Variants in UBN2 observed in about 807,000 individuals in gnomAD.
UBN2 encodes the protein ubinuclein 2.
In UBN2, 35 loss-of-function variants were observed where a neutral mutation model predicts 120.2. The ratio of observed to expected loss-of-function variants is 0.29; its 90% CI spans 0.22 to 0.39. The LOEUF (loss-of-function observed/expected upper bound fraction) is 0.39, where lower values mean the gene tolerates loss of function less well. Among genes scored for constraint, UBN2 ranks in the 10% least tolerant of loss-of-function variants. The pLI, the probability that UBN2 is intolerant of heterozygous loss-of-function variation, is 1.00. For missense variants in UBN2, 1,693 were observed against 1,663.2 expected, an observed-to-expected ratio of 1.02 and a Z score of -0.31; for synonymous variants, 661 against 648.7, an observed-to-expected ratio of 1.02 and a Z score of -0.29.
At chr7:139,292,147 G>A (rs1346874813) in intron 15 of UBN2, among the ~76,000 whole-genome samples, 1 of 152,016 alleles carries the variant, frequency 6.6e-6, no homozygotes, top group Admixed American at 6.6e-5. Flanking sequence ...TTAGCTACTC[G>A]GGAGGCTGAG....
At chr7:139,256,394 C>A (rs899689211) in intron 3 of UBN2, among the ~76,000 whole-genome samples, 1 of 152,014 alleles carries the variant, frequency 6.6e-6, no homozygotes, top group Non-Finnish European at 1.5e-5. Context: ...CAGATAGTAA[C>A]CTTTTCTAAA....
chr7:139,293,545 G>C (rs1798025296), intron 16 of UBN2, 82 bp downstream of exon 16: 4 of 1,123,808 alleles, frequency 3.6e-6, no homozygotes, highest in Non-Finnish European at 5.2e-6. Flanking sequence ...ATTAAGAGTA[G>C]TCCAGTTGGA....
chr7:139,232,035 C>G, intron 1 of UBN2, 83 bp downstream of exon 1: 1 of 1,400,948 alleles, frequency 7.1e-7, no homozygotes, highest in Non-Finnish European at 9.7e-7. Flanking sequence ...CACCTTGGGA[C>G]GCCCACCGAG....
At chr7:139,291,860 AAAT>A (rs1797967219) in intron 15 of UBN2, among the ~76,000 whole-genome samples, 2 of 152,264 alleles carry the variant, frequency 1.3e-5, no homozygotes, top group African/African-American at 4.8e-5. Flanking sequence ...TCTCTAAAAA[AAAT>A]AATAATAAAT....
At chr7:139,287,203 A>C (rs2131048360) in intron 15 of UBN2, among the ~76,000 whole-genome samples, 1 of 152,292 alleles carries the variant, frequency 6.6e-6, no homozygotes, top group Non-Finnish European at 1.5e-5. Flanking sequence ...TCAAAGGAAT[A>C]AGTGAAAAGA....
At chr7:139,328,253 C>G in the UBN2 span, among the ~76,000 whole-genome samples, 2 of 152,144 alleles carry the variant, frequency 1.3e-5, no homozygotes, top group Non-Finnish European at 2.9e-5. Flanking sequence ...GAAGAAGAAG[C>G]AAGGCATATC....
At position 139,283,137 on chromosome 7, in the gene UBN2, A is replaced by G; in HGVS notation, c.2232A>G (p.Ala744=). 6.2e-7 allele frequency: 1 copy of G among 1,612,506 alleles called. No homozygotes were observed. The highest frequency in any genetic ancestry group is 8.5e-7 in the Non-Finnish European group (1 of 1,179,826). The change falls in exon 15 of 18, where the codon GCA becomes GCG. Residue 744 remains alanine (A), a synonymous_variant. Transcript: ENST00000473989. ...TTGCTGCAGCTAGCTCTAGCTCTGCACCAGCCCAAGAAACCATCTGCCTCG... is the reference window on the plus strand; with the variant it reads ...TTGCTGCAGCTAGCTCTAGCTCTGCGCCAGCCCAAGAAACCATCTGCCTCG... ...AAIAAASSSS[A]PAQETICLDD...
Position 139,293,335 on chromosome 7 carries a change from G to T in UBN2, c.3773G>T (p.Gly1258Val). 1.2e-6 allele frequency: 2 copies of T among 1,614,158 alleles called. No individual in the cohort carries two copies. Among genetic ancestry groups the T allele is most frequent in the Non-Finnish European group, 1.7e-6 (2 of 1,180,026 alleles). Residue 1258 changes from glycine (G) to valine (V), a missense_variant, in exon 16 of 18, where the codon GGT becomes GTT. This residue lies in a region of UBN2 where 837 missense variants were observed against 817.6 expected (regional missense o/e 1.02). Transcript: ENST00000473989. Reference sequence around the variant, plus strand: ...AATGTGACTCCTTTTGGGATGCTGGGTGGCCTTGTTCCAGTGACCATGCCC... The same window carrying T: ...AATGTGACTCCTTTTGGGATGCTGGTTGGCCTTGTTCCAGTGACCATGCCC... ...NQNVTPFGML[G>V]GLVPVTMPFQ...
chr7:139,258,547 T>G lies in UBN2; in HGVS notation c.723T>G (p.Thr241=), dbSNP rs753910923. 1 of 1,606,560 alleles carries G rather than the reference T, an allele frequency of 6.2e-7. No individual in the cohort carries two copies. Among genetic ancestry groups the G allele is most frequent in the Non-Finnish European group, 8.5e-7 (1 of 1,176,036 alleles). Residue 241 remains threonine (T), a synonymous_variant, in exon 4 of 18, where the codon ACT becomes ACG. Coordinates refer to ENST00000473989, the MANE Select transcript of UBN2 (RefSeq NM_173569.4). ...TTKYGGFYIN[T]GTLQFRQASD... The stretch of plus-strand genomic sequence containing the variant: ...AATATGGAGGCTTTTATATCAACAC[T>G]GGCACTCTACAGTTTCGCCAAGCTT...
At chr7:139,317,740 G>A in the UBN2 span, among the ~76,000 whole-genome samples, 2 of 151,894 alleles carry the variant, frequency 1.3e-5, no homozygotes, top group African/African-American at 4.8e-5. Context: ...TTGGCTCACT[G>A]CAACCTCCAC....
intron 2 of UBN2, among the ~76,000 whole-genome samples, chr7:139,245,060 A>C (rs981260614): frequency 6.7e-6 from 1 of 150,026 alleles, no homozygotes; most frequent in African/African-American, 2.5e-5. Context: ...CAGCCTCCCA[A>C]GTAGCTGGGA....
the UBN2 span, among the ~76,000 whole-genome samples, chr7:139,317,346 T>A: frequency 6.6e-6 from 1 of 151,850 alleles, no homozygotes; most frequent in Non-Finnish European, 1.5e-5. Context: ...TAGTTTTTAA[T>A]TTTTTTTAGA....
chr7:139,317,019 G>A, the UBN2 span, among the ~76,000 whole-genome samples: 2 of 149,054 alleles, frequency 1.3e-5, no homozygotes, highest in African/African-American at 2.5e-5. Context: ...TGCAACCTCC[G>A]CCTCCTGGGT....
chr7:139,261,653 A>G lies in UBN2; in HGVS notation c.1307A>G (p.Tyr436Cys), dbSNP rs376449297. ...AATGGAACCACCACCCAGCCAACCT[A>G]CACTTCTCAGGTTATGCCCAAAGTG... ...GENGTTTQPT[Y>C]TSQVMPKVVP... Residue 436 changes from tyrosine to cysteine, a missense_variant, in exon 6 of 18, where the codon TAC becomes TGC. Coordinates refer to ENST00000473989, the MANE Select transcript of UBN2 (RefSeq NM_173569.4). The G allele has an allele frequency of 3.6e-5, 58 of 1,614,122 alleles. No homozygotes were observed. The Admixed American group carries it at 4.0e-4, about 11-fold the overall frequency.
chr7:139,325,009 T>C, the UBN2 span, among the ~76,000 whole-genome samples: 3 of 152,112 alleles, frequency 2.0e-5, no homozygotes, highest in African/African-American at 7.2e-5. Flanking sequence ...CGAAACATAC[T>C]GAATTACGTG....
intron 1 of UBN2, among the ~76,000 whole-genome samples, chr7:139,232,176 C>G (rs1054013360): frequency 2.0e-5 from 3 of 151,856 alleles, no homozygotes; most frequent in African/African-American, 7.3e-5. Context: ...ATCCCCAAAC[C>G]CCCGGCACTC....
intron 15 of UBN2, among the ~76,000 whole-genome samples, chr7:139,287,570 T>C (rs1362588102): frequency 6.6e-6 from 1 of 152,128 alleles, no homozygotes; most frequent in Non-Finnish European, 1.5e-5. Flanking sequence ...CTTGGCAAAG[T>C]ATGAGTTTCT....
At chr7:139,273,821 A>G (rs920395772) in intron 10 of UBN2, 110 bp from the exon 11 acceptor site, 16 of 900,126 alleles carry the variant, frequency 1.8e-5, no homozygotes, top group African/African-American at 3.5e-5. Flanking sequence ...TGAATGATAT[A>G]TGTTAGAAAT....
chr7:139,279,675 C>T (rs1797546569), intron 13 of UBN2, among the ~76,000 whole-genome samples: 1 of 152,072 alleles, frequency 6.6e-6, no homozygotes, highest in Non-Finnish European at 1.5e-5. Flanking sequence ...AGACCAGAAA[C>T]AAAAAAGGAG....
Sources: allele counts gnomAD v4.1 joint callset (sites outside exome capture counted in the v4.1 genomes callset), GRCh38; gene constraint gnomAD v4.1.1; regional missense constraint gnomAD v4.1.1; transcripts MANE v1.5; gene names NCBI Gene and HGNC (gene_info 2026-07-23, HGNC 2026-07-21).